Variants in PCDH11Y observed in about 807,000 individuals in gnomAD.
PCDH11Y encodes protocadherin-11 Y-linked.
For missense variants in PCDH11Y, 12 were observed against 224.8 expected (o/e 0.05, Z 6.05); for synonymous variants, 9 against 83.6 (o/e 0.11, Z 4.87).
At chrY:5,200,312 CATT>C (rs2052925462) in intron 2 of PCDH11Y, among the ~76,000 whole-genome samples, 3 of 32,633 alleles carry the variant, frequency 9.2e-5, no homozygotes, top group Non-Finnish European at 2.2e-4. Context: ...AGAAATTGAT[CATT>C]GATAAGGTAG....
intron 2 of PCDH11Y, among the ~76,000 whole-genome samples, chrY:5,161,166 C>G: frequency 3.1e-5 from 1 of 32,549 alleles, no homozygotes; most frequent in Non-Finnish European, 7.7e-5. Flanking sequence ...GATTTATTAA[C>G]TAGGTCTCAT....
At chrY:5,431,056 T>G in intron 2 of PCDH11Y, among the ~76,000 whole-genome samples, 1 of 32,560 alleles carries the variant, frequency 3.1e-5, no homozygotes, top group Non-Finnish European at 7.5e-5. Context: ...TCACTGTGCC[T>G]TTCTACATTG....
intron 4 of PCDH11Y, among the ~76,000 whole-genome samples, chrY:5,670,372 G>GA (rs2053547926): frequency 3.1e-5 from 1 of 31,752 alleles, no homozygotes; most frequent in Admixed American, 2.9e-4. Flanking sequence ...TTGTTTTTTT[G>GA]AAAAAACTCC....
At chrY:5,311,502 C>T (rs1602902809) in intron 2 of PCDH11Y, among the ~76,000 whole-genome samples, 1 of 19,151 alleles carries the variant, frequency 5.2e-5, no homozygotes, top group Admixed American at 4.9e-4. Context: ...TATATATATA[C>T]ACACACACAC....
At chrY:5,018,076 C>T in intron 1 of PCDH11Y, among the ~76,000 whole-genome samples, 1 of 31,111 alleles carries the variant, frequency 3.2e-5, no homozygotes, top group Non-Finnish European at 7.8e-5. Flanking sequence ...TGCAGAACAC[C>T]GTGCCTTGAG....
chrY:5,650,407 A>G lies in PCDH11Y; in HGVS notation c.3352+68609A>G, dbSNP rs2124706068. On this transcript the variant is annotated intron_variant, in intron 4 of 4. Coordinates refer to the PCDH11Y transcript ENST00000400457. Reference sequence around the variant, plus strand: ...ACTAAATGTGATGTCTCAAATTAAAATTAACTCTGTAAGTAAAACTCTGCA... The same window carrying G: ...ACTAAATGTGATGTCTCAAATTAAAGTTAACTCTGTAAGTAAAACTCTGCA... Among the ~76,000 whole-genome samples the G allele has an allele frequency of 2.1e-4, 7 of 33,342 alleles. No individual in the cohort carries two copies. The South Asian group carries it at 4.5e-3, about 21-fold the overall frequency. The allele number at this position is 33,342 out of a possible 37,273, so 89.5% of individuals were successfully genotyped here.
chrY:5,482,102 C>T (rs2053327239), intron 2 of PCDH11Y, among the ~76,000 whole-genome samples: 1 of 28,876 alleles, frequency 3.5e-5, no homozygotes, highest in African/African-American at 1.4e-4. Flanking sequence ...CGGGTTCAAG[C>T]GATTCTCCTG....
At chrY:5,597,750 AC>A (rs2053468953) in intron 4 of PCDH11Y, among the ~76,000 whole-genome samples, 3 of 31,735 alleles carry the variant, frequency 9.5e-5, no homozygotes, top group Non-Finnish European at 2.3e-4. Flanking sequence ...ATATGTTCTC[AC>A]TCATAAGTGG....
At position 5,349,790 on chromosome Y, in the gene PCDH11Y, G is replaced by T; in HGVS notation, c.3130-151267G>T. Among the ~76,000 whole-genome samples the T allele has an allele frequency of 3.3e-4, 11 of 33,662 alleles. No homozygotes were observed. The South Asian group carries it at 3.3e-3, about 10-fold the overall frequency. 90.3% of individuals were successfully genotyped at this position (33,662 alleles called of 37,273 possible). A position where few individuals can be genotyped will look rare whatever the true frequency, so the allele number is the denominator to read the frequency against. ...TAAATATAGTATCTTCAACATTAGT[G>T]ATATTATGTCCTTTTAGTCAAAACA... On this transcript the variant is annotated intron_variant, in intron 2 of 4. Transcript: ENST00000400457.
intron 2 of PCDH11Y, among the ~76,000 whole-genome samples, chrY:5,322,910 A>G: frequency 3.0e-5 from 1 of 33,302 alleles, no homozygotes; most frequent in Non-Finnish European, 7.4e-5. Context: ...CACAAAACTA[A>G]TAATGAACAT....
chrY:5,676,986 G>T (rs1602958877), intron 4 of PCDH11Y, among the ~76,000 whole-genome samples: 101 of 32,141 alleles, frequency 3.1e-3, no homozygotes, highest in African/African-American at 0.011. Context: ...CAGTACCTTG[G>T]TACCAATTTA....
intron 4 of PCDH11Y, among the ~76,000 whole-genome samples, chrY:5,638,655 C>T: frequency 3.3e-5 from 1 of 29,917 alleles, no homozygotes; most frequent in Non-Finnish European, 8.0e-5. Context: ...TGGCAACGTA[C>T]TTAAGTATAA....
At chrY:5,027,441 A>G in intron 1 of PCDH11Y, among the ~76,000 whole-genome samples, 1 of 24,791 alleles carries the variant, frequency 4.0e-5, no homozygotes. Flanking sequence ...TGAATAAGGG[A>G]CTATAAAGTA....
At chrY:5,372,690 T>C in intron 2 of PCDH11Y, among the ~76,000 whole-genome samples, 2 of 31,753 alleles carry the variant, frequency 6.3e-5, no homozygotes, top group Non-Finnish European at 1.5e-4. Context: ...TCTTTCTTTC[T>C]TTTCCTTTCT....
At chrY:5,520,027 A>C in intron 3 of PCDH11Y, among the ~76,000 whole-genome samples, 2 of 23,228 alleles carry the variant, frequency 8.6e-5, no homozygotes, top group Non-Finnish European at 2.0e-4. Flanking sequence ...CATCTTGGCC[A>C]ACATGGTGAA....
chrY:5,170,145 C>G (rs2571805), intron 2 of PCDH11Y, among the ~76,000 whole-genome samples: 1 of 31,568 alleles, frequency 3.2e-5, no homozygotes, highest in Non-Finnish European at 7.8e-5. Flanking sequence ...TTTATCTTTA[C>G]GTGAAGGACA....
chrY:5,334,657 A>G, intron 2 of PCDH11Y, among the ~76,000 whole-genome samples: 1 of 33,603 alleles, frequency 3.0e-5, no homozygotes, highest in Non-Finnish European at 7.3e-5. Flanking sequence ...TTTTAAACTT[A>G]TCCTTGAAAG....
At chrY:5,385,277 G>C (rs2053212356) in intron 2 of PCDH11Y, among the ~76,000 whole-genome samples, 1 of 29,276 alleles carries the variant, frequency 3.4e-5, no homozygotes, top group African/African-American at 1.3e-4. Flanking sequence ...CCAATTTGTA[G>C]CCTTTTATTT....
chrY:5,523,102 C>T, intron 3 of PCDH11Y, among the ~76,000 whole-genome samples: 1 of 33,363 alleles, frequency 3.0e-5, no homozygotes, highest in African/African-American at 1.2e-4. Context: ...CCTCATTTTG[C>T]TTGTGCTTAT....
Sources: gnomAD v4.1 joint callset for allele counts (sites outside exome capture counted in the v4.1 genomes callset) on GRCh38, gnomAD v4.1.1 for gene constraint, MANE v1.5 for transcripts, NCBI Gene and HGNC (gene_info 2026-07-23, HGNC 2026-07-21) for gene names.